The following EFR3B variants were observed in gnomAD, a reference collection of about 807,000 sequenced individuals.
EFR3B encodes EFR3 homolog B.
A neutral mutation model predicts 104.7 loss-of-function variants in EFR3B; 64 were observed. The ratio of observed to expected loss-of-function variants is 0.61; its 90% CI spans 0.50 to 0.75. The LOEUF (loss-of-function observed/expected upper bound fraction) is 0.75, where lower values mean the gene tolerates loss of function less well. Among genes scored for constraint, EFR3B ranks in the 30% least tolerant of loss-of-function variants. EFR3B has a pLI of 0.00. For synonymous variants in EFR3B, 385 were observed against 417.9 expected, an observed-to-expected ratio of 0.92 and a Z score of 0.96; for missense variants, 750 against 1,078.5, an observed-to-expected ratio of 0.70 and a Z score of 4.27.
intron 4 of EFR3B, among the ~76,000 whole-genome samples, chr2:25,120,203 T>A (rs1438161360): frequency 6.7e-6 from 1 of 150,050 alleles, no homozygotes; most frequent in Admixed American, 6.7e-5. Flanking sequence ...AAAAAAAAAT[T>A]AGCTGGGCAT....
In EFR3B at chr2:25,136,633, C is replaced by A; in HGVS notation, c.1560+35C>A. On this transcript the variant is annotated intron_variant, in intron 14 of 22. Coordinates refer to ENST00000403714, the MANE Select transcript of EFR3B (RefSeq NM_014971.2). This position sits in a 1 kb window ranked among gnomAD's most constrained non-coding sequence, Gnocchi z 4.0. ...CATGACCTCCAGGCACAGTGAAGGG[C>A]GGGCACGGTGGCTCACGCCTGCAAT... 1 of 1,536,154 alleles carries A rather than the reference C, an allele frequency of 6.5e-7. No individual in the cohort carries two copies. Among genetic ancestry groups the A allele is most frequent in the Non-Finnish European group, 8.8e-7 (1 of 1,133,954 alleles).
At chr2:25,124,601 G>T (rs1274266390) in intron 5 of EFR3B, among the ~76,000 whole-genome samples, 2 of 151,820 alleles carry the variant, frequency 1.3e-5, no homozygotes, top group Admixed American at 1.3e-4. Context: ...TTAGCCAGGC[G>T]TGGTGGCGGG....
Position 25,103,640 on chromosome 2 carries a change from C to T in EFR3B, c.216C>T (p.Tyr72=), listed in dbSNP as rs754323247. The change falls in exon 4 of 23, where the codon TAC becomes TAT. Residue 72 remains tyrosine, a synonymous_variant. Coordinates refer to ENST00000403714, the MANE Select transcript of EFR3B (RefSeq NM_014971.2). ...IRDVGRHRYG[Y]VCIAMEALDQ... is the part of the protein sequence containing the mutation. ...CGGCATGTGCTGCCCTCCCCAGGTA[C>T]GTGTGCATTGCTATGGAGGCTTTGG... 19 of 1,549,794 alleles carry T rather than the reference C, an allele frequency of 1.2e-5. No homozygotes were observed. The highest frequency in any genetic ancestry group is 2.4e-5 in the South Asian group (2 of 83,886).
At chr2:25,128,524 T>C (rs1236133395) in intron 6 of EFR3B, among the ~76,000 whole-genome samples, 192 bp downstream of exon 6, 1 of 152,174 alleles carries the variant, frequency 6.6e-6, no homozygotes, top group East Asian at 1.9e-4. Flanking sequence ...CAGCCCACAG[T>C]GTCCCTTAAC....
In EFR3B at chr2:25,113,118, A is replaced by C. The variant is rs76514117; in HGVS notation, c.364-8555A>C. Among the ~76,000 whole-genome samples the C allele has an allele frequency of 0.018, 2,781 of 152,252 alleles. 237 individuals carry two copies. In the East Asian group the frequency reaches 0.27, roughly 15 times the overall value. The stretch of plus-strand genomic sequence containing the variant: ...TTGTATATAAAAAGCTGAAACTTTG[A>C]TCTTGAAAGGGTGGCCCTAGCAGTG... On this transcript the variant is annotated intron_variant, in intron 4 of 22. Transcript: ENST00000403714.
At chr2:25,065,230 G>C (rs1197075706) in intron 1 of EFR3B, among the ~76,000 whole-genome samples, 4 of 152,040 alleles carry the variant, frequency 2.6e-5, no homozygotes, top group African/African-American at 9.7e-5. Flanking sequence ...ACCCCAGTAG[G>C]AATTCAGTGG....
intron 1 of EFR3B, chr2:25,081,421 A>G: frequency 7.6e-7 from 1 of 1,314,144 alleles, no homozygotes. Flanking sequence ...TTCTGTACCT[A>G]CTTTTTTGGC....
At chr2:25,141,973 G>A (rs1017673497) in intron 17 of EFR3B, among the ~76,000 whole-genome samples, 12 of 152,126 alleles carry the variant, frequency 7.9e-5, no homozygotes, top group Admixed American at 3.9e-4. Context: ...ACAGAACAGC[G>A]GGTGGGGAAG....
chr2:25,120,656 A>ACAACAACAG (rs1669987926), intron 4 of EFR3B, among the ~76,000 whole-genome samples: 1 of 152,052 alleles, frequency 6.6e-6, no homozygotes, highest in Non-Finnish European at 1.5e-5. Flanking sequence ...AACAACAACA[A>ACAACAACAG]CAACAACAGC....
Position 25,042,454 on chromosome 2 carries a change from G to T in EFR3B, c.7+135G>T. 8.3e-7 allele frequency: 1 copy of T among 1,210,826 alleles called. No individual in the cohort carries two copies. The highest frequency in any genetic ancestry group is 4.2e-5 in the South Asian group (1 of 23,626). 75.0% of individuals were successfully genotyped at this position (1,210,826 alleles called of 1,614,324 possible). A position where few individuals can be genotyped will look rare whatever the true frequency, so the allele number is the denominator to read the frequency against. Reference sequence around the variant, plus strand: ...ACCTGGTGCCCGGCGGGGCTGTTGCGGTCGCTCTGTGCGCGCGCGTCTGCG... The same window carrying T: ...ACCTGGTGCCCGGCGGGGCTGTTGCTGTCGCTCTGTGCGCGCGCGTCTGCG... On this transcript the variant is annotated intron_variant, in intron 1 of 22. Coordinates refer to ENST00000403714, the MANE Select transcript of EFR3B (RefSeq NM_014971.2). The surrounding 1 kb of genome is among the most constrained non-coding windows in gnomAD (Gnocchi z 5.4).
Position 25,042,703 on chromosome 2 carries a change from A to C in EFR3B, c.7+384A>C. The C allele has an allele frequency of 2.0e-6, 2 of 998,186 alleles. No homozygotes were observed. The highest frequency in any genetic ancestry group is 2.4e-6 in the Non-Finnish European group (2 of 838,272). The allele number at this position is 998,186 out of a possible 1,614,324, so 61.8% of individuals were successfully genotyped here. ...GGAGTTTTCTGTGGGAAGCCGGTCC[A>C]GGGCTGAGGGAGACGCCCGCGGCCG... is the stretch of plus-strand genomic sequence containing the variant. On this transcript the variant is annotated intron_variant, in intron 1 of 22. Transcript: ENST00000403714. This position sits in a 1 kb window ranked among gnomAD's most constrained non-coding sequence, Gnocchi z 5.4.
chr2:25,137,215 C>G lies in EFR3B; in HGVS notation c.1561-126C>G. ...CCAGAGCCCGCTTTAAAGGCATCCC[C>G]TCCCCAAGGGAGGAGGGGGCACACA... On this transcript the variant is annotated intron_variant, in intron 14 of 22. Coordinates refer to ENST00000403714, the MANE Select transcript of EFR3B (RefSeq NM_014971.2). The surrounding 1 kb of genome is among the most constrained non-coding windows in gnomAD (Gnocchi z 4.7). 8.9e-7 allele frequency: 1 copy of G among 1,124,810 alleles called. No individual in the cohort carries two copies. The allele number at this position is 1,124,810 out of a possible 1,614,324, so 69.7% of individuals were successfully genotyped here.
At chr2:25,142,749 ACTTGGT>A in intron 17 of EFR3B, among the ~76,000 whole-genome samples, 1 of 148,652 alleles carries the variant, frequency 6.7e-6, no homozygotes, top group Non-Finnish European at 1.5e-5. Context: ...ACAGGGAGAG[ACTTGGT>A]CTAAGAAATA....
intron 1 of EFR3B, among the ~76,000 whole-genome samples, chr2:25,057,297 T>A (rs1427668953): frequency 6.6e-6 from 1 of 152,200 alleles, no homozygotes; most frequent in African/African-American, 2.4e-5. Flanking sequence ...TTGCATGCAT[T>A]CTAGTTTCAC....
At position 25,042,746 on chromosome 2, in the gene EFR3B, G is replaced by A; in HGVS notation, c.7+427G>A. The A allele has an allele frequency of 2.1e-6, 2 of 971,550 alleles. No individual in the cohort carries two copies. The highest frequency in any genetic ancestry group is 2.5e-6 in the Non-Finnish European group (2 of 816,084). 60.2% of individuals were successfully genotyped at this position (971,550 alleles called of 1,614,324 possible). A position where few individuals can be genotyped will look rare whatever the true frequency, so the allele number is the denominator to read the frequency against. On this transcript the variant is annotated intron_variant, in intron 1 of 22. Coordinates refer to ENST00000403714, the MANE Select transcript of EFR3B (RefSeq NM_014971.2). This position sits in a 1 kb window ranked among gnomAD's most constrained non-coding sequence, Gnocchi z 5.4. ...CGCGGCCGGTCGTCTGCGCGGCTCGGAGAAGGCGGGAGGCGGCGCCGGCGG... is the reference window on the plus strand; with the variant it reads ...CGCGGCCGGTCGTCTGCGCGGCTCGAAGAAGGCGGGAGGCGGCGCCGGCGG...
chr2:25,055,625 T>C (rs1667996738), intron 1 of EFR3B, among the ~76,000 whole-genome samples: 1 of 152,220 alleles, frequency 6.6e-6, no homozygotes, highest in Non-Finnish European at 1.5e-5. Context: ...TCTTTTTAGC[T>C]GGAGAAAAAG....
intron 1 of EFR3B, among the ~76,000 whole-genome samples, chr2:25,073,070 A>G (rs1303763341): frequency 6.6e-6 from 1 of 152,234 alleles, no homozygotes; most frequent in African/African-American, 2.4e-5. Context: ...GGATCTTCTT[A>G]CTGGAATTTG....
intron 1 of EFR3B, among the ~76,000 whole-genome samples, chr2:25,052,967 A>G (rs1473980959): frequency 6.6e-6 from 1 of 152,224 alleles, no homozygotes; most frequent in Non-Finnish European, 1.5e-5. Context: ...TAACTTCTCC[A>G]TGGCCACCCA....
At chr2:25,129,292 A>C (rs1670258631) in intron 6 of EFR3B, among the ~76,000 whole-genome samples, 1 of 132,570 alleles carries the variant, frequency 7.5e-6, no homozygotes, top group Admixed American at 8.4e-5. Flanking sequence ...GGTTGATCCC[A>C]GGCTACTAGA....
Sources: allele counts gnomAD v4.1 joint callset (sites outside exome capture counted in the v4.1 genomes callset), GRCh38; gene constraint gnomAD v4.1.1; non-coding constraint Gnocchi (gnomAD v3.1); transcripts MANE v1.5; gene names NCBI Gene and HGNC (gene_info 2026-07-23, HGNC 2026-07-21).